Variants in INCENP observed in about 807,000 individuals in gnomAD.
INCENP encodes the protein inner centromere protein.
Under a neutral mutation model 107.3 loss-of-function variants are expected in INCENP, and 43 were observed. That is an observed-to-expected ratio of 0.40 (90% CI 0.31 to 0.52). The LOEUF (loss-of-function observed/expected upper bound fraction) is 0.52. INCENP is among the 20% of genes least tolerant of loss of function. The pLI, the probability that INCENP is intolerant of heterozygous loss-of-function variation, is 0.53. For missense variants in INCENP, 1,089 were observed against 1,250.9 expected, an observed-to-expected ratio of 0.87 and a Z score of 1.95; for synonymous variants, 488 against 494.4, an observed-to-expected ratio of 0.99 and a Z score of 0.17.
At chr11:62,130,670 A>G in intron 4 of INCENP, 80 bp downstream of exon 4, 1 of 1,295,326 alleles carries the variant, frequency 7.7e-7, no homozygotes, top group Non-Finnish European at 1.1e-6. Context: ...TCATCTAGCA[A>G]GGAGCTGTCC....
chr11:62,145,432 C>A, intron 13 of INCENP, 143 bp downstream of exon 13: 2 of 1,382,048 alleles, frequency 1.4e-6, no homozygotes, highest in Non-Finnish European at 2.0e-6. Flanking sequence ...GTCCACTCAG[C>A]TCTGGGTTTC....
chr11:62,134,421 G>A (rs145804909), intron 4 of INCENP, among the ~76,000 whole-genome samples: 1,476 of 125,634 alleles, frequency 0.012, 13 homozygotes, highest in Non-Finnish European at 0.019. Context: ...AAAAAAAAAA[G>A]CTTTGATTAT....
intron 4 of INCENP, among the ~76,000 whole-genome samples, chr11:62,131,659 A>G: frequency 6.6e-6 from 1 of 152,168 alleles, no homozygotes. Flanking sequence ...ACTGAAGCAA[A>G]AGAAGTGGCT....
At chr11:62,128,338 G>A (rs1943802964) in intron 2 of INCENP, 37 bp downstream of exon 2, 8 of 1,612,372 alleles carry the variant, frequency 5.0e-6, no homozygotes, top group Non-Finnish European at 6.8e-6. Flanking sequence ...GGAACACCAG[G>A]GCCTGTCTGG....
intron 15 of INCENP, among the ~76,000 whole-genome samples, chr11:62,147,472 C>T (rs1944276427): frequency 1.3e-5 from 2 of 152,146 alleles, no homozygotes; most frequent in Non-Finnish European, 2.9e-5. Flanking sequence ...CCTGGCCTAC[C>T]CTGTGCCTGG....
At chr11:62,126,730 A>C (rs201573147) in intron 1 of INCENP, among the ~76,000 whole-genome samples, 40 of 152,368 alleles carry the variant, frequency 2.6e-4, no homozygotes, top group East Asian at 2.3e-3. Context: ...ACAGATGTTC[A>C]AGTCCCTGAT....
chr11:62,145,770 CTCAGGGAGGAGGTGGGCG>C lies in INCENP; in HGVS notation c.1959+20_1959+37del, dbSNP rs1565100813. ...GCAGCAGGTGCGAGCACAGGTGGGC[CTCAGGGAGGAGGTGGGCG>C]GGGTGGGCGCTGTCTCAGCACCATG... On this transcript the variant is annotated intron_variant, in intron 14 of 18. Transcript: ENST00000394818. 4 of 1,548,636 alleles carry C rather than the reference CTCAGGGAGGAGGTGGGCG, an allele frequency of 2.6e-6. No homozygotes were observed. The highest frequency in any genetic ancestry group is 3.5e-6 in the Non-Finnish European group (4 of 1,146,148).
intron 18 of INCENP, among the ~76,000 whole-genome samples, chr11:62,150,855 G>T (rs1944358002): frequency 6.6e-6 from 1 of 152,222 alleles, no homozygotes; most frequent in Admixed American, 6.5e-5. Context: ...GTGCCTTGCA[G>T]TGGTTGCTGA....
chr11:62,147,016 T>G, intron 15 of INCENP, 114 bp downstream of exon 15: 2 of 1,499,262 alleles, frequency 1.3e-6, no homozygotes, highest in South Asian at 2.5e-5. Flanking sequence ...GTGCTTTCCT[T>G]GGCACCAAAC....
At chr11:62,132,081 G>A (rs757934938) in intron 4 of INCENP, among the ~76,000 whole-genome samples, 2 of 152,146 alleles carry the variant, frequency 1.3e-5, no homozygotes, top group African/African-American at 2.4e-5. Flanking sequence ...GAGCTACTGC[G>A]CCCAGCCCAG....
At chr11:62,138,116 C>T (rs542479894) in intron 5 of INCENP, 1 of 590,098 alleles carries the variant, frequency 1.7e-6, no homozygotes, top group South Asian at 2.0e-5. Flanking sequence ...AGACCTGACC[C>T]TGGGGCGTGG....
chr11:62,138,741 G>A lies in INCENP; in HGVS notation c.1144G>A (p.Ala382Thr), dbSNP rs1204700852. The A allele has an allele frequency of 6.2e-7, 1 of 1,614,124 alleles. No homozygotes were observed. The highest frequency in any genetic ancestry group is 1.7e-5 in the Admixed American group (1 of 60,028). Residue 382 changes from alanine (A) to threonine (T), a missense_variant, in exon 6 of 19, where the codon GCT becomes ACT. Ala to Thr is a moderately conservative substitution (Grantham distance 58, BLOSUM62 0). Transcript: ENST00000394818. ...TGAGCAGAAGGAACCCCCCGAGGAG[G>A]CTGAGCCTGTGGCGGCAGCTGAGCC... is the stretch of plus-strand genomic sequence containing the variant. ...GSEQKEPPEE[A>T]EPVAAAEPEV...
chr11:62,140,988 C>A lies in INCENP; in HGVS notation c.1537C>A (p.Arg513Ser). The A allele has an allele frequency of 6.2e-7, 1 of 1,614,230 alleles. No homozygotes were observed. The highest frequency in any genetic ancestry group is 1.7e-5 in the Admixed American group (1 of 60,030). Residue 513 changes from arginine to serine, a missense_variant, in exon 10 of 19, where the codon CGC becomes AGC. Transcript: ENST00000394818. ...QMLMTPTSAP[R>S]SVMKSFIKRN... Reference sequence around the variant, plus strand: ...GCTCATGACCCCGACCTCAGCCCCACGCAGCGTCATGAAGTCCTTTATTAA... The same window carrying A: ...GCTCATGACCCCGACCTCAGCCCCAAGCAGCGTCATGAAGTCCTTTATTAA...
At chr11:62,131,515 T>G (rs1943892913) in intron 4 of INCENP, among the ~76,000 whole-genome samples, 1 of 152,114 alleles carries the variant, frequency 6.6e-6, no homozygotes, top group African/African-American at 2.4e-5. Context: ...GCTGCGCTTT[T>G]GCTGAGTGGA....
At chr11:62,132,374 G>A (rs1943910527) in intron 4 of INCENP, among the ~76,000 whole-genome samples, 1 of 152,166 alleles carries the variant, frequency 6.6e-6, no homozygotes, top group Non-Finnish European at 1.5e-5. Flanking sequence ...GCAGGGGAGG[G>A]CACCTCACCT....
intron 14 of INCENP, 107 bp from the exon 15 acceptor site, chr11:62,146,551 G>C (rs1156761516): frequency 1.7e-5 from 25 of 1,479,566 alleles, no homozygotes; most frequent in Non-Finnish European, 2.2e-5. Flanking sequence ...GGTTGTCCGT[G>C]GTGGTGGCTG....
chr11:62,144,511 C>T (rs757042327), intron 11 of INCENP, among the ~76,000 whole-genome samples: 4 of 151,956 alleles, frequency 2.6e-5, no homozygotes, highest in Non-Finnish European at 5.9e-5. Flanking sequence ...TATATGTATA[C>T]ATATAGTATG....
In INCENP at chr11:62,152,934, A is replaced by G. The variant is rs749034505; in HGVS notation, c.*958A>G. ...CTGCTACTGTAGCCCCGGGTTGTCA[A>G]ACTATGGCCTGTGGGCCAAATCCAG... On this transcript the variant is annotated 3_prime_UTR_variant, in exon 19 of 19. Transcript: ENST00000394818. 6.6e-6 allele frequency: 1 copy of G among 152,244 alleles called. No homozygotes were observed. The highest frequency in any genetic ancestry group is 1.5e-5 in the Non-Finnish European group (1 of 68,046). 9.4% of individuals were successfully genotyped at this position (152,244 alleles called of 1,614,324 possible). A position where few individuals can be genotyped will look rare whatever the true frequency, so the allele number is the denominator to read the frequency against.
rs57052675 is a variant in INCENP at position 62,126,200 on chromosome 11, G to GTTTTTT, written c.-11-1943_-11-1938dup. ...TAGGTGGGAGGCTGAGTTGTGCATG[G>GTTTTTT]TTTTTTTTTTTTTGAGATAGAGTCT... On this transcript the variant is annotated intron_variant, in intron 1 of 18. Coordinates refer to ENST00000394818, the MANE Select transcript of INCENP (RefSeq NM_001040694.2). Among the ~76,000 whole-genome samples, 121 of 100,022 alleles carry GTTTTTT rather than the reference G, an allele frequency of 1.2e-3. 2 individuals are homozygous for GTTTTTT. Among genetic ancestry groups the GTTTTTT allele is most frequent in the African/African-American group, 3.1e-3 (104 of 33,830 alleles). 65.6% of individuals were successfully genotyped at this position (100,022 alleles called of 152,430 possible).
Sources: gnomAD v4.1 joint callset for allele counts (sites outside exome capture counted in the v4.1 genomes callset) on GRCh38, gnomAD v4.1.1 for gene constraint, MANE v1.5 for transcripts, NCBI Gene and HGNC (gene_info 2026-07-23, HGNC 2026-07-21) for gene names.